Variants in ARHGEF10 observed in about 807,000 individuals in gnomAD.
ARHGEF10 encodes the protein Rho guanine nucleotide exchange factor 10, also known as Rho guanine nucleotide exchange factor (GEF) 10.
In ARHGEF10, 140 loss-of-function variants were observed where a neutral mutation model predicts 147.4. The ratio of observed to expected loss-of-function variants is 0.95; its 90% confidence interval spans 0.83 to 1.09. The LOEUF is 1.09. ARHGEF10 is among the 50% of genes least tolerant of loss of function. The pLI is 0.00. For synonymous variants in ARHGEF10, 902 were observed against 695.8 expected (o/e 1.30, Z -4.67); for missense variants, 2,222 against 1,752.7 (o/e 1.27, Z -4.78).
chr8:1,828,583 A>G (rs892596001), intron 1 of ARHGEF10, among the ~76,000 whole-genome samples: 3 of 138,204 alleles, frequency 2.2e-5, no homozygotes, highest in East Asian at 2.2e-4. Context: ...TGTGGCATGC[A>G]CACTTCCTGT....
intron 11 of ARHGEF10, among the ~76,000 whole-genome samples, chr8:1,888,173 GTGAGTGGGGTGAGGGTTTGCGAGGAGACA>G (rs1808900568): frequency 2.3e-4 from 3 of 13,142 alleles, no homozygotes; most frequent in Admixed American, 1.5e-3. Context: ...CGAGGAGACA[GTGAGTGGGGTGAGGGTTTGCGAGGAGACA>G]CTTAGTGGGG....
At chr8:1,927,203 G>C (rs979192121) in intron 23 of ARHGEF10, 1 of 153,058 alleles carries the variant, frequency 6.5e-6, no homozygotes. Context: ...TCCCTTGGGG[G>C]CTTCCACTTC....
In ARHGEF10 at chr8:1,860,207, G is replaced by A. The variant is rs200516301; in HGVS notation, c.481+23G>A. 8.8e-5 allele frequency: 142 copies of A among 1,606,508 alleles called. 2 individuals carry two copies. In the East Asian group the frequency reaches 2.5e-3, roughly 29 times the overall value. On this transcript the variant is annotated intron_variant, in intron 4 of 28. Transcript: ENST00000349830. ...AAGGTACTGCTACCCTCCTCTCCAC[G>A]CCCCCGAAGTGGCCTGTGGTTCCCT...
chr8:1,839,784 T>G lies in ARHGEF10; in HGVS notation c.-47-3569T>G, dbSNP rs199696697. Among the ~76,000 whole-genome samples, 387 of 51,076 alleles carry G rather than the reference T, an allele frequency of 7.6e-3. 4 individuals carry two copies. The highest frequency in any genetic ancestry group is 0.02 in the African/African-American group (217 of 10,920). The allele number at this position is 51,076 out of a possible 152,430, so 33.5% of individuals were successfully genotyped here. A position where few individuals can be genotyped will look rare whatever the true frequency, so the allele number is the denominator to read the frequency against. On this transcript the variant is annotated intron_variant, in intron 1 of 28. Transcript: ENST00000349830. The stretch of plus-strand genomic sequence containing the variant: ...TGGTGTGGGGACTGTCTGGTGTGGG[T>G]ACTGTCTGGTGTGGGGACTGTCTTG...
In ARHGEF10 at chr8:1,905,501, A is replaced by T. The variant is rs1202649070; in HGVS notation, c.1822-70A>T. ...AAGTCACCCTGAGACTCCATACCAG[A>T]CTTCTCCTCATCTTTTTCTTTTCCG... On this transcript the variant is annotated intron_variant, in intron 16 of 28. Coordinates refer to ENST00000349830, the MANE Select transcript of ARHGEF10 (RefSeq NM_014629.4). The T allele has an allele frequency of 3.0e-5, 47 of 1,565,618 alleles. 1 individual carries two copies. Among genetic ancestry groups the T allele is most frequent in the Non-Finnish European group, 3.9e-5 (44 of 1,136,694 alleles).
chr8:1,878,321 C>T (rs1263491475), intron 8 of ARHGEF10, among the ~76,000 whole-genome samples: 1 of 152,090 alleles, frequency 6.6e-6, no homozygotes, highest in African/African-American at 2.4e-5. Flanking sequence ...TCTCAAGTAG[C>T]TGGGATTATA....
chr8:1,896,354 G>C lies in ARHGEF10; in HGVS notation c.1462G>C (p.Asp488His), dbSNP rs1252160464. Residue 488 changes from aspartate (D) to histidine (H), a missense_variant, in exon 14 of 29, where the codon GAT (aspartate) becomes CAT (histidine). By Grantham distance (81) the Asp-to-His change is moderately conservative. Transcript: ENST00000349830. Reference sequence around the variant, plus strand: ...TCAGTTTTCTAAGTCCATGGTGCTGGATGCATACAGTGAATATGTGAACAA... The same window carrying C: ...TCAGTTTTCTAAGTCCATGGTGCTGCATGCATACAGTGAATATGTGAACAA... ...VASFSKSMVL[D>H]AYSEYVNNFS... The C allele has an allele frequency of 6.2e-7, 1 of 1,613,866 alleles. No homozygotes were observed.
At chr8:1,883,445 C>T (rs1045850041) in intron 10 of ARHGEF10, among the ~76,000 whole-genome samples, 2 of 152,100 alleles carry the variant, frequency 1.3e-5, no homozygotes, top group African/African-American at 4.8e-5. Flanking sequence ...TTCTAATGTG[C>T]CTGTCTGGTG....
At chr8:1,877,401 T>C (rs1469675885) in intron 8 of ARHGEF10, among the ~76,000 whole-genome samples, 1 of 152,110 alleles carries the variant, frequency 6.6e-6, no homozygotes, top group East Asian at 1.9e-4. Context: ...CTAATTTTCG[T>C]ATTTTTATTA....
intron 10 of ARHGEF10, among the ~76,000 whole-genome samples, chr8:1,884,487 G>A (rs1450923569): frequency 2.6e-5 from 4 of 151,930 alleles, no homozygotes; most frequent in South Asian, 2.1e-4. Context: ...TTCGTTCTTC[G>A]TCCTGGTTGT....
intron 9 of ARHGEF10, among the ~76,000 whole-genome samples, chr8:1,882,119 G>A (rs1008607706): frequency 2.0e-5 from 3 of 152,180 alleles, no homozygotes; most frequent in Admixed American, 6.5e-5. Flanking sequence ...TGTCCCGTGC[G>A]TGTCTGCAGC....
intron 1 of ARHGEF10, among the ~76,000 whole-genome samples, chr8:1,839,079 G>C (rs963906809): frequency 7.9e-5 from 12 of 151,988 alleles, no homozygotes; most frequent in Non-Finnish European, 1.6e-4. Flanking sequence ...GGACTGTCTG[G>C]TGTGGAAGCT....
At chr8:1,848,293 A>G (rs1225360438) in intron 2 of ARHGEF10, among the ~76,000 whole-genome samples, 1 of 152,206 alleles carries the variant, frequency 6.6e-6, no homozygotes, top group Non-Finnish European at 1.5e-5. Context: ...TTGTTGCAAC[A>G]TGCCCCAGGG....
At chr8:1,832,834 GCAGAGA>G (rs1803268261) in intron 1 of ARHGEF10, among the ~76,000 whole-genome samples, 1 of 22,012 alleles carries the variant, frequency 4.5e-5, no homozygotes, top group Non-Finnish European at 8.6e-5. Context: ...AGAGGCAGAG[GCAGAGA>G]CAGAGGCAGA....
chr8:1,886,670 G>A (rs957833765), intron 11 of ARHGEF10, among the ~76,000 whole-genome samples: 5 of 152,180 alleles, frequency 3.3e-5, no homozygotes, highest in African/African-American at 9.7e-5. Flanking sequence ...ACTCATGGGT[G>A]TGCATGCTCT....
intron 2 of ARHGEF10, among the ~76,000 whole-genome samples, chr8:1,850,191 G>T (rs1465299486): frequency 0.015 from 1,266 of 82,970 alleles, 1 homozygote; most frequent in South Asian, 0.023. Flanking sequence ...AGGAGGGCGT[G>T]GGGCGGCCAC....
At chr8:1,852,019 G>C (rs1805192876) in intron 2 of ARHGEF10, among the ~76,000 whole-genome samples, 1 of 152,070 alleles carries the variant, frequency 6.6e-6, no homozygotes, top group Admixed American at 6.6e-5. Flanking sequence ...CGGCTCTCAG[G>C]CTCAGACAGG....
rs187471558 is a variant in ARHGEF10, at chr8:1,899,976, G to T, written c.1650+1451G>T. On this transcript the variant is annotated intron_variant, in intron 15 of 28. Transcript: ENST00000349830. ...GCCCACATGCCCTGTGTTTAGCGAT[G>T]CGCCAGTGAGTCCCTGGGTCGTTCT... is the stretch of plus-strand genomic sequence containing the variant. Among the ~76,000 whole-genome samples the T allele has an allele frequency of 3.9e-3, 593 of 152,352 alleles. 2 individuals carry two copies. The highest frequency in any genetic ancestry group is 0.013 in the African/African-American group (552 of 41,586).
rs781373498 is a variant in ARHGEF10, at chr8:1,882,619, T to C, written c.961-16T>C. The C allele has an allele frequency of 2.6e-6, 4 of 1,549,774 alleles. No homozygotes were observed. The South Asian group carries it at 3.6e-5, about 14-fold the overall frequency. ...TCTGCCGCCGTCCCGTTCTCACATCTCCCTCTCCGTCGCAGATGCAGAAGC... is the reference window on the plus strand; with the variant it reads ...TCTGCCGCCGTCCCGTTCTCACATCCCCCTCTCCGTCGCAGATGCAGAAGC... On this transcript the variant is annotated splice_polypyrimidine_tract_variant and intron_variant, in intron 9 of 28. Coordinates refer to ENST00000349830, the MANE Select transcript of ARHGEF10 (RefSeq NM_014629.4).
Sources: gnomAD v4.1 joint callset for allele counts (sites outside exome capture counted in the v4.1 genomes callset) on GRCh38, gnomAD v4.1.1 for gene constraint, MANE v1.5 for transcripts, NCBI Gene and HGNC (gene_info 2026-07-23, HGNC 2026-07-21) for gene names.